MTCL2: variants seen among roughly 807,000 people sequenced by gnomAD.
The protein encoded by MTCL2 is microtubule cross-linking factor 2.
the MTCL2 span, chr20:36,780,869 T>C: frequency 6.6e-6 from 1 of 152,210 alleles, no homozygotes; most frequent in Non-Finnish European, 1.5e-5. Flanking sequence ...TCAGTGGCCC[T>C]TGATGAAAGG....
the MTCL2 span, among the ~76,000 whole-genome samples, chr20:36,814,233 G>A: frequency 1.3e-5 from 2 of 152,148 alleles, no homozygotes; most frequent in Admixed American, 6.5e-5. Context: ...CTTCAGCAGT[G>A]AGCACAAAAA....
chr20:36,857,915 G>C, the MTCL2 span, among the ~76,000 whole-genome samples: 9 of 152,104 alleles, frequency 5.9e-5, no homozygotes, highest in Non-Finnish European at 1.3e-4. Context: ...CACGGCCCTG[G>C]GCGGGCGTGC....
chr20:36,851,876 CT>C, the MTCL2 span, among the ~76,000 whole-genome samples: 3 of 152,174 alleles, frequency 2.0e-5, no homozygotes, highest in Non-Finnish European at 4.4e-5. Flanking sequence ...GAGAATCCCC[CT>C]GTTCTACTCC....
chr20:36,808,576 C>T, the MTCL2 span: 46 of 1,611,300 alleles, frequency 2.9e-5, no homozygotes, highest in Non-Finnish European at 3.9e-5. Flanking sequence ...TGAGGAACCA[C>T]CTGAGCTTCA....
chr20:36,792,826 AT>A, the MTCL2 span, among the ~76,000 whole-genome samples: 1 of 148,254 alleles, frequency 6.7e-6, no homozygotes, highest in Non-Finnish European at 1.5e-5. Flanking sequence ...TATTTTATAT[AT>A]ATAGATATAT....
the MTCL2 span, chr20:36,815,311 G>T: frequency 7.4e-5 from 119 of 1,613,778 alleles, no homozygotes; most frequent in Middle Eastern, 1.6e-4. The surrounding 1 kb of genome is among the most constrained non-coding windows in gnomAD (Gnocchi z 5.3). Context: ...AGGATGGCAT[G>T]GATGAGCTTG....
At chr20:36,813,466 G>A in the MTCL2 span, among the ~76,000 whole-genome samples, 1 of 151,872 alleles carries the variant, frequency 6.6e-6, no homozygotes, top group African/African-American at 2.4e-5. Context: ...GGGCACGATG[G>A]CTCACACCTG....
At chr20:36,856,598 C>T in the MTCL2 span, among the ~76,000 whole-genome samples, 9 of 152,240 alleles carry the variant, frequency 5.9e-5, no homozygotes, top group African/African-American at 1.9e-4. Context: ...TGGGGGACTT[C>T]GGTGTAGCTT....
At chr20:36,804,831 A>G in the MTCL2 span, 1 of 1,613,990 alleles carries the variant, frequency 6.2e-7, no homozygotes, top group Non-Finnish European at 8.5e-7. Context: ...CACGGCGTTC[A>G]TCCCGGAGCA....
chr20:36,778,720 A>G, the MTCL2 span: 1 of 152,648 alleles, frequency 6.6e-6, no homozygotes, highest in Non-Finnish European at 1.5e-5. Flanking sequence ...CAGTAGAGAA[A>G]GGATGGGGCT....
the MTCL2 span, chr20:36,781,547 G>C: frequency 6.6e-6 from 1 of 150,720 alleles, no homozygotes; most frequent in African/African-American, 2.4e-5. Flanking sequence ...AAAAAAAAAA[G>C]AAAAAGGAAG....
the MTCL2 span, among the ~76,000 whole-genome samples, chr20:36,789,934 C>T: frequency 6.6e-6 from 1 of 151,262 alleles, no homozygotes; most frequent in Non-Finnish European, 1.5e-5. Flanking sequence ...ATGCCTCAAT[C>T]ACCCAAGTGG....
At chr20:36,828,554 T>C in the MTCL2 span, 1 of 154,578 alleles carries the variant, frequency 6.5e-6, no homozygotes, top group Non-Finnish European at 1.4e-5. Context: ...CCAGAGACAC[T>C]GGCCTGAGAC....
the MTCL2 span, among the ~76,000 whole-genome samples, chr20:36,835,135 C>T: frequency 5.9e-5 from 9 of 152,190 alleles, no homozygotes; most frequent in South Asian, 1.9e-3. Flanking sequence ...CTCCATTTTC[C>T]ATGAGGAAAC....
chr20:36,825,022 C>T, the MTCL2 span, among the ~76,000 whole-genome samples: 3 of 151,868 alleles, frequency 2.0e-5, no homozygotes, highest in Non-Finnish European at 4.4e-5. Flanking sequence ...TCACTGCAAC[C>T]TCCAGCTCCC....
the MTCL2 span, chr20:36,829,237 G>T: frequency 8.8e-6 from 14 of 1,587,376 alleles, no homozygotes; most frequent in Admixed American, 3.5e-5. Context: ...GAGAGAGAAG[G>T]ATGTGAGCAG....
chr20:36,825,635 G>A, the MTCL2 span, among the ~76,000 whole-genome samples: 1 of 152,194 alleles, frequency 6.6e-6, no homozygotes, highest in African/African-American at 2.4e-5. Context: ...AGGGGCTCCT[G>A]TTCCCAGCCG....
the MTCL2 span, among the ~76,000 whole-genome samples, chr20:36,829,513 C>CTTTT: frequency 4.3e-4 from 46 of 106,498 alleles, no homozygotes; most frequent in African/African-American, 1.1e-3. Context: ...TTACCTGAGG[C>CTTTT]TTTTTTTTTT....
the MTCL2 span, among the ~76,000 whole-genome samples, chr20:36,821,622 G>T: frequency 2.6e-5 from 4 of 152,184 alleles, no homozygotes; most frequent in African/African-American, 9.7e-5. Context: ...GGAGGCTGAG[G>T]TGGGAGAATT....
Sources: gnomAD v4.1 joint callset for allele counts (sites outside exome capture counted in the v4.1 genomes callset) on GRCh38, gnomAD v4.1.1 for gene constraint, Gnocchi (gnomAD v3.1) non-coding constraint, MANE v1.5 for transcripts, NCBI Gene and HGNC (gene_info 2026-07-23, HGNC 2026-07-21) for gene names.